Variants in AMPH observed in about 807,000 individuals in gnomAD.
AMPH encodes amphiphysin, also known as amphiphysin (Stiff-Mann syndrome with breast cancer 128kD autoantigen).
In AMPH, 49 loss-of-function variants were observed where a neutral mutation model predicts 99.1. That is an observed-to-expected ratio of 0.49 (90% CI 0.39 to 0.63). AMPH has a LOEUF of 0.63. Among genes scored for constraint, AMPH ranks in the 20% least tolerant of loss-of-function variants. AMPH has a pLI of 0.00. For synonymous variants in AMPH, 314 were observed against 317.3 expected (o/e 0.99, Z 0.11); for missense variants, 759 against 863.4 (o/e 0.88, Z 1.52).
intron 1 of AMPH, among the ~76,000 whole-genome samples, chr7:38,595,405 C>A (rs1793015699): frequency 6.6e-6 from 1 of 152,128 alleles, no homozygotes; most frequent in South Asian, 2.1e-4. Flanking sequence ...GCTCTATAGC[C>A]AGGAGGATAG....
At chr7:38,444,992 T>C (rs1162706827) in intron 11 of AMPH, among the ~76,000 whole-genome samples, 4 of 1,252 alleles carry the variant, frequency 3.2e-3, no homozygotes, top group Non-Finnish European at 0.026. Context: ...TATATATACA[T>C]ATATATATAT....
chr7:38,623,173 G>T (rs375483257), intron 1 of AMPH, among the ~76,000 whole-genome samples: 29 of 152,260 alleles, frequency 1.9e-4, no homozygotes, highest in African/African-American at 7.0e-4. Context: ...AATATTTAAA[G>T]AAATGGGATC....
chr7:38,554,445 T>C (rs1446721173), intron 1 of AMPH, among the ~76,000 whole-genome samples: 1 of 152,164 alleles, frequency 6.6e-6, no homozygotes, highest in Non-Finnish European at 1.5e-5. Flanking sequence ...CCTTAAAATG[T>C]CTATACTTAT....
chr7:38,548,081 T>G (rs1584232320), intron 1 of AMPH, among the ~76,000 whole-genome samples: 1 of 146,828 alleles, frequency 6.8e-6, no homozygotes, highest in Admixed American at 7.0e-5. Context: ...CAGGCTGGAG[T>G]GCAGTGGTGC....
intron 1 of AMPH, among the ~76,000 whole-genome samples, chr7:38,591,062 C>G (rs1016489932): frequency 1.3e-5 from 2 of 152,094 alleles, no homozygotes; most frequent in African/African-American, 4.8e-5. Flanking sequence ...GAGAGGGAAT[C>G]TTCTCACCAG....
At chr7:38,445,842 G>T (rs1786758323) in intron 11 of AMPH, among the ~76,000 whole-genome samples, 1 of 152,142 alleles carries the variant, frequency 6.6e-6, no homozygotes, top group African/African-American at 2.4e-5. Context: ...GATCATGGGG[G>T]CGGAGTTTTC....
chr7:38,406,671 A>G (rs574252385), intron 17 of AMPH, among the ~76,000 whole-genome samples: 27 of 148,800 alleles, frequency 1.8e-4, no homozygotes, highest in African/African-American at 6.2e-4. Context: ...CACCAAGTAG[A>G]AGAGGGGGAT....
chr7:38,607,269 T>G (rs536330508), intron 1 of AMPH, among the ~76,000 whole-genome samples: 1 of 152,316 alleles, frequency 6.6e-6, no homozygotes, highest in South Asian at 2.1e-4. Flanking sequence ...GTCCCAAATA[T>G]TCATAGAAGA....
chr7:38,494,715 A>G (rs1788863019), intron 3 of AMPH, among the ~76,000 whole-genome samples, 188 bp from the exon 4 acceptor site: 1 of 152,188 alleles, frequency 6.6e-6, no homozygotes, highest in Admixed American at 6.5e-5. Flanking sequence ...GACTTATCAC[A>G]TTGCACATTT....
chr7:38,501,129 C>T (rs963429292), intron 3 of AMPH, among the ~76,000 whole-genome samples: 3 of 152,102 alleles, frequency 2.0e-5, no homozygotes, highest in African/African-American at 7.2e-5. Context: ...GCAATCTGGC[C>T]CTGTTGTTTC....
intron 1 of AMPH, among the ~76,000 whole-genome samples, chr7:38,595,640 C>T (rs1407864141): frequency 6.6e-6 from 1 of 152,118 alleles, no homozygotes; most frequent in African/African-American, 2.4e-5. Flanking sequence ...TTGCTTGATG[C>T]TAAGGTTTGG....
At chr7:38,396,246 GATTGA>G (rs1784666274) in intron 17 of AMPH, among the ~76,000 whole-genome samples, 3 of 152,168 alleles carry the variant, frequency 2.0e-5, no homozygotes, top group African/African-American at 7.2e-5. Flanking sequence ...GGTGGGAGAT[GATTGA>G]ATCATGGGGG....
chr7:38,512,080 T>C (rs1028028513), intron 2 of AMPH, among the ~76,000 whole-genome samples: 1 of 152,226 alleles, frequency 6.6e-6, no homozygotes, highest in African/African-American at 2.4e-5. Flanking sequence ...GTCTGTCACT[T>C]AATGGACACT....
chr7:38,495,550 G>A (rs367703956), intron 3 of AMPH, among the ~76,000 whole-genome samples: 15 of 151,412 alleles, frequency 9.9e-5, no homozygotes, highest in Admixed American at 3.9e-4. Flanking sequence ...TCAAAGTACC[G>A]AGAGAAAACT....
rs576160729 is a variant in AMPH, at chr7:38,517,568, T to C, written c.151-13864A>G. Among the ~76,000 whole-genome samples, 9 of 152,324 alleles carry C rather than the reference T, an allele frequency of 5.9e-5. No homozygotes were observed. The South Asian group carries it at 1.9e-3, about 32-fold the overall frequency. On this transcript the variant is annotated intron_variant, in intron 2 of 20. Transcript: ENST00000356264. Reference sequence around the variant, plus strand: ...TTATGATTACCCAGTCTCAGGTAGTTCTTTATAGCAGTGTGAGAGTGGACT... The same window carrying C: ...TTATGATTACCCAGTCTCAGGTAGTCCTTTATAGCAGTGTGAGAGTGGACT...
Position 38,582,232 on chromosome 7 carries a change from G to A in AMPH, c.70-47221C>T, listed in dbSNP as rs147775722. Among the ~76,000 whole-genome samples, 1,368 of 152,264 alleles carry A rather than the reference G, an allele frequency of 9.0e-3. 22 individuals carry two copies. Among genetic ancestry groups the A allele is most frequent in the African/African-American group, 0.031 (1,271 of 41,532 alleles). On this transcript the variant is annotated intron_variant, in intron 1 of 20. Coordinates refer to ENST00000356264, the MANE Select transcript of AMPH (RefSeq NM_001635.4). ...CAAATGAAGAAAATAGTTCAAGGAT[G>A]GGTAAATGATATATTGTGCCAAATA...
At chr7:38,417,799 GA>G (rs1186093428) in intron 17 of AMPH, 25 bp downstream of exon 17, 3 of 1,612,266 alleles carry the variant, frequency 1.9e-6, no homozygotes, top group Non-Finnish European at 1.7e-6. Flanking sequence ...GAGGCAGATG[GA>G]GGGTGAGAGG....
intron 10 of AMPH, among the ~76,000 whole-genome samples, chr7:38,461,719 T>TAC (rs1022648358): frequency 3.9e-5 from 6 of 152,208 alleles, no homozygotes; most frequent in African/African-American, 1.4e-4. Context: ...ACTAGGGCAA[T>TAC]ACCCTCTTCT....
intron 17 of AMPH, among the ~76,000 whole-genome samples, chr7:38,394,626 AG>A (rs1446028783): frequency 6.6e-6 from 1 of 152,232 alleles, no homozygotes; most frequent in East Asian, 1.9e-4. Context: ...ACCATGCCAA[AG>A]GAAAGCTAAG....
Sources: allele counts gnomAD v4.1 joint callset (sites outside exome capture counted in the v4.1 genomes callset), GRCh38; gene constraint gnomAD v4.1.1; transcripts MANE v1.5; gene names NCBI Gene and HGNC (gene_info 2026-07-23, HGNC 2026-07-21).